Variants in PROM1 observed in about 807,000 individuals in gnomAD.
PROM1 encodes prominin 1.
Under a neutral mutation model 116.9 loss-of-function variants are expected in PROM1, and 105 were observed. The ratio of observed to expected loss-of-function variants is 0.90; its 90% CI spans 0.77 to 1.06. The LOEUF (loss-of-function observed/expected upper bound fraction) is 1.06. Among genes scored for constraint, PROM1 ranks in the 50% least tolerant of loss-of-function variants. The pLI is 0.00. For missense variants in PROM1, 1,122 were observed against 1,045.2 expected (o/e 1.07, Z -1.01); for synonymous variants, 393 against 387.0 (o/e 1.02, Z -0.18).
chr4:16,045,532 C>T (rs1560563963), intron 2 of PROM1, among the ~76,000 whole-genome samples: 1 of 152,184 alleles, frequency 6.6e-6, no homozygotes, highest in Non-Finnish European at 1.5e-5. Flanking sequence ...CCTAATACAA[C>T]ACACCTTACC....
intron 14 of PROM1, among the ~76,000 whole-genome samples, chr4:15,998,760 G>A (rs765042840): frequency 1.7e-4 from 26 of 151,814 alleles, no homozygotes; most frequent in Non-Finnish European, 3.2e-4. Flanking sequence ...CTGTTGCCCA[G>A]GCTGGAGCGC....
intron 6 of PROM1, among the ~76,000 whole-genome samples, chr4:16,024,713 ATGTG>A (rs896154929): frequency 2.0e-5 from 3 of 151,106 alleles, no homozygotes; most frequent in East Asian, 1.9e-4. Context: ...GTGTGTGTGT[ATGTG>A]TGTGTGTGTG....
intron 8 of PROM1, among the ~76,000 whole-genome samples, chr4:16,019,702 A>G (rs1184283908): frequency 6.6e-6 from 1 of 152,230 alleles, no homozygotes; most frequent in Non-Finnish European, 1.5e-5. Context: ...CTCTTCTTCT[A>G]AGCAAATAAA....
chr4:16,052,212 A>T (rs1339835483), intron 2 of PROM1, among the ~76,000 whole-genome samples: 1 of 152,170 alleles, frequency 6.6e-6, no homozygotes, highest in African/African-American at 2.4e-5. Flanking sequence ...CCTCCTTGGC[A>T]ACTGAAGAAG....
Position 15,968,628 on chromosome 4 carries a change from T to A in PROM1, c.*765A>T, listed in dbSNP as rs951144449. The A allele has an allele frequency of 2.0e-5, 3 of 152,228 alleles. No individual in the cohort carries two copies. Among genetic ancestry groups the A allele is most frequent in the Non-Finnish European group, 4.4e-5 (3 of 68,030 alleles). 9.4% of individuals were successfully genotyped at this position (152,228 alleles called of 1,614,324 possible). Reference sequence around the variant, plus strand: ...ACTGTACACCGTAATTGGCATCTGTTAAAACAACTCCACTTTTGAACGAAC... The same window carrying A: ...ACTGTACACCGTAATTGGCATCTGTAAAAACAACTCCACTTTTGAACGAAC... On this transcript the variant is annotated 3_prime_UTR_variant, in exon 28 of 28. Coordinates refer to ENST00000447510, the MANE Select transcript of PROM1 (RefSeq NM_006017.3).
chr4:16,020,244 C>T (rs1288012107), intron 8 of PROM1, among the ~76,000 whole-genome samples: 2 of 152,200 alleles, frequency 1.3e-5, no homozygotes, highest in African/African-American at 4.8e-5. Context: ...TATCACTTTA[C>T]CTGAATAGAA....
chr4:16,003,892 C>T lies in PROM1; in HGVS notation c.1454+2646G>A, dbSNP rs368370625. ...TCCTTCCAGATCTTTCACTGGTATC[C>T]TTTTGGGAGGTAAGAATTCCTGCTT... On this transcript the variant is annotated intron_variant, in intron 13 of 27. Transcript: ENST00000447510. Among the ~76,000 whole-genome samples, 74 of 152,276 alleles carry T rather than the reference C, an allele frequency of 4.9e-4. 1 individual carries two copies. Among genetic ancestry groups the T allele is most frequent in the African/African-American group, 1.8e-3 (74 of 41,558 alleles).
chr4:16,016,116 C>A (rs1476086299), intron 10 of PROM1, 50 bp downstream of exon 10: 1 of 1,450,358 alleles, frequency 6.9e-7, no homozygotes, highest in Non-Finnish European at 9.4e-7. Context: ...TACTAGTCCA[C>A]CCTTTAAAAT....
At chr4:16,015,919 G>A (rs1291286261) in intron 10 of PROM1, among the ~76,000 whole-genome samples, 2 of 152,106 alleles carry the variant, frequency 1.3e-5, no homozygotes, top group African/African-American at 4.8e-5. Flanking sequence ...GCCTAGGAAA[G>A]CAGAGGTCAT....
At chr4:16,021,202 CAA>C (rs66861725) in intron 8 of PROM1, among the ~76,000 whole-genome samples, 1 of 151,056 alleles carries the variant, frequency 6.6e-6, no homozygotes, top group Middle Eastern at 3.4e-3. Context: ...ATTAAAAAAA[CAA>C]AAAAAAAGAA....
chr4:16,033,007 G>A (rs1027075805), intron 5 of PROM1, among the ~76,000 whole-genome samples: 2 of 152,142 alleles, frequency 1.3e-5, no homozygotes, highest in African/African-American at 2.4e-5. Flanking sequence ...GTGCTGGGAG[G>A]TAAGTCCTTT....
chr4:16,015,364 A>AAAG (rs1553909798), intron 10 of PROM1, among the ~76,000 whole-genome samples: 8 of 148,892 alleles, frequency 5.4e-5, no homozygotes, highest in East Asian at 2.0e-4. Context: ...AAAAAAAAAA[A>AAAG]AAGAAGAAGA....
intron 13 of PROM1, among the ~76,000 whole-genome samples, chr4:16,000,969 G>C (rs1347599209): frequency 6.6e-6 from 1 of 152,196 alleles, no homozygotes; most frequent in Non-Finnish European, 1.5e-5. Context: ...TAGCCAATAA[G>C]GGGCTGAAAG....
intron 22 of PROM1, among the ~76,000 whole-genome samples, chr4:15,984,918 T>A (rs1365248936): frequency 6.6e-6 from 1 of 152,232 alleles, no homozygotes; most frequent in Non-Finnish European, 1.5e-5. Flanking sequence ...GGAAAAACTG[T>A]CTTCCACTAA....
At chr4:16,024,919 A>G (rs940130606) in intron 6 of PROM1, among the ~76,000 whole-genome samples, 10 of 152,250 alleles carry the variant, frequency 6.6e-5, no homozygotes, top group African/African-American at 2.2e-4. Flanking sequence ...AATCATAAGA[A>G]CCTTAAAAGT....
At chr4:15,992,913 G>A (rs972866019) in intron 16 of PROM1, among the ~76,000 whole-genome samples, 16 of 152,166 alleles carry the variant, frequency 1.1e-4, no homozygotes, top group African/African-American at 3.4e-4. Context: ...ATGGAAACAC[G>A]GTTGGTGATT....
chr4:15,990,760 G>A (rs987368401), intron 18 of PROM1, among the ~76,000 whole-genome samples: 3 of 152,226 alleles, frequency 2.0e-5, no homozygotes, highest in African/African-American at 7.2e-5. Context: ...ATGCCCGCCA[G>A]CGCCATGACA....
intron 11 of PROM1, among the ~76,000 whole-genome samples, chr4:16,011,217 A>G (rs1726812978): frequency 6.6e-6 from 1 of 152,098 alleles, no homozygotes; most frequent in Non-Finnish European, 1.5e-5. Flanking sequence ...TTTTCCAGGC[A>G]GCCTCCCACT....
intron 3 of PROM1, among the ~76,000 whole-genome samples, chr4:16,036,683 C>T (rs1465819550): frequency 1.3e-5 from 2 of 152,218 alleles, no homozygotes; most frequent in Admixed American, 6.5e-5. Context: ...TCTGTGTTCC[C>T]TGAGCCTCCC....
Sources: gnomAD v4.1 joint callset for allele counts (sites outside exome capture counted in the v4.1 genomes callset) on GRCh38, gnomAD v4.1.1 for gene constraint, MANE v1.5 for transcripts, NCBI Gene and HGNC (gene_info 2026-07-23, HGNC 2026-07-21) for gene names.